Variants in DNAJC10 observed in about 807,000 individuals in gnomAD.
DNAJC10 encodes endoplasmic reticulum disulfide reductase DNAJC10.
Under a neutral mutation model 115.0 loss-of-function variants are expected in DNAJC10, and 101 were observed. That is an observed-to-expected ratio of 0.88 (90% CI 0.75 to 1.04). The LOEUF is 1.04. Ranked by LOEUF, DNAJC10 falls within the 50% of genes least tolerant of loss-of-function variation. The probability of loss-of-function intolerance (pLI) is 0.00; values close to 1 mark genes in which losing one functional copy is unlikely to be tolerated. For synonymous variants in DNAJC10, 307 were observed against 301.5 expected, an observed-to-expected ratio of 1.02 and a Z score of -0.19; for missense variants, 981 against 928.8, an observed-to-expected ratio of 1.06 and a Z score of -0.73.
intron 14 of DNAJC10, among the ~76,000 whole-genome samples, chr2:182,750,347 T>C (rs1335840894): frequency 2.6e-5 from 4 of 151,866 alleles, no homozygotes; most frequent in Admixed American, 1.3e-4. Context: ...GGGTTGGAAA[T>C]GGTAAGAGAT....
At chr2:182,730,115 T>G (rs1025980482) in intron 8 of DNAJC10, among the ~76,000 whole-genome samples, 174 bp downstream of exon 8, 2 of 152,166 alleles carry the variant, frequency 1.3e-5, no homozygotes, top group Admixed American at 1.3e-4. Flanking sequence ...TTTAACAAAC[T>G]AGTTAAATTT....
intron 22 of DNAJC10, among the ~76,000 whole-genome samples, chr2:182,773,649 A>G (rs765333530): frequency 1.3e-5 from 2 of 152,126 alleles, no homozygotes; most frequent in African/African-American, 2.4e-5. Context: ...ATGTGTCACC[A>G]AGTTCTTGTG....
chr2:182,737,319 C>T (rs1302540358), intron 11 of DNAJC10, among the ~76,000 whole-genome samples: 2 of 152,096 alleles, frequency 1.3e-5, no homozygotes, highest in African/African-American at 4.8e-5. Context: ...TTAGTTTTCC[C>T]TCTGTACTTT....
At chr2:182,757,958 G>A in intron 19 of DNAJC10, 133 bp downstream of exon 19, 1 of 556,424 alleles carries the variant, frequency 1.8e-6, no homozygotes. Context: ...AAGATAGTTT[G>A]TTAATGAACA....
intron 2 of DNAJC10, among the ~76,000 whole-genome samples, chr2:182,717,504 C>G (rs1008962238): frequency 6.6e-6 from 1 of 152,164 alleles, no homozygotes; most frequent in Non-Finnish European, 1.5e-5. Flanking sequence ...ATGTTTCCTT[C>G]TAGTCCCTCC....
chr2:182,730,030 G>T, intron 8 of DNAJC10, 89 bp downstream of exon 8: 1 of 815,982 alleles, frequency 1.2e-6, no homozygotes, highest in Non-Finnish European at 2.0e-6. Context: ...TTTTGGTCAT[G>T]GTATTGAAAT....
chr2:182,774,160 C>CTGCAGAACAGCAAATAT (rs774262342), intron 22 of DNAJC10, among the ~76,000 whole-genome samples: 21 of 152,226 alleles, frequency 1.4e-4, no homozygotes, highest in Non-Finnish European at 2.1e-4. Context: ...CCAGCAGAGG[C>CTGCAGAACAGCAAATAT]TGCAGAACAG....
chr2:182,740,095 A>C (rs1693693288), intron 11 of DNAJC10: 2 of 1,072,644 alleles, frequency 1.9e-6, no homozygotes, highest in Admixed American at 1.0e-4. Context: ...ATCACTATTT[A>C]AGAAACAGCT....
chr2:182,774,862 T>C (rs1212919356), intron 22 of DNAJC10, among the ~76,000 whole-genome samples: 3 of 152,350 alleles, frequency 2.0e-5, no homozygotes, highest in East Asian at 3.9e-4. Flanking sequence ...CTCTGTGGGC[T>C]GCACCCACTG....
At chr2:182,758,609 C>T (rs1039247741) in intron 19 of DNAJC10, among the ~76,000 whole-genome samples, 3 of 152,128 alleles carry the variant, frequency 2.0e-5, no homozygotes, top group Non-Finnish European at 2.9e-5. Flanking sequence ...GTCCAGTAGA[C>T]AGCTAGACAT....
intron 3 of DNAJC10, among the ~76,000 whole-genome samples, chr2:182,718,535 A>C (rs1693059210): frequency 6.6e-6 from 1 of 152,234 alleles, no homozygotes; most frequent in Admixed American, 6.5e-5. Context: ...ATTCTATTAA[A>C]GACATTAACC....
chr2:182,765,601 T>C (rs288294), intron 22 of DNAJC10, among the ~76,000 whole-genome samples: 103,556 of 152,074 alleles, frequency 0.68, 35,968 homozygotes, highest in African/African-American at 0.8. Context: ...GCCTGTTGAT[T>C]CAATTTCTTT....
chr2:182,758,837 C>T lies in DNAJC10; in HGVS notation c.1944C>T (p.His648=). The change falls in exon 20 of 24, where the codon CAC becomes CAT. Residue 648 remains histidine (H), a splice_region_variant and synonymous_variant. Coordinates refer to ENST00000264065, the MANE Select transcript of DNAJC10 (RefSeq NM_018981.4). ...PPKSNKAYHY[H]SYNGWNRDAY... ...CAACTAACATTTTTTCTTCTCTCAGCAGTTACAATGGTTGGAATAGGGATG... is the reference window on the plus strand; with the variant it reads ...CAACTAACATTTTTTCTTCTCTCAGTAGTTACAATGGTTGGAATAGGGATG... 6.2e-7 allele frequency: 1 copy of T among 1,604,328 alleles called. No homozygotes were observed. The highest frequency in any genetic ancestry group is 8.5e-7 in the Non-Finnish European group (1 of 1,171,536).
intron 5 of DNAJC10, among the ~76,000 whole-genome samples, chr2:182,727,920 T>C (rs1009972310): frequency 6.6e-6 from 1 of 152,252 alleles, no homozygotes; most frequent in Non-Finnish European, 1.5e-5. Flanking sequence ...ATTGGCTAGA[T>C]ATTATATGTT....
intron 6 of DNAJC10, 70 bp downstream of exon 6, chr2:182,728,728 T>G: frequency 1.3e-6 from 2 of 1,509,232 alleles, no homozygotes; most frequent in Admixed American, 3.9e-5. Context: ...GTTAGAATTT[T>G]TTTTTCTATG....
chr2:182,755,161 G>C, intron 17 of DNAJC10, 57 bp downstream of exon 17: 1 of 1,013,542 alleles, frequency 9.9e-7, no homozygotes, highest in Non-Finnish European at 1.6e-6. Flanking sequence ...TGTAAACCCT[G>C]TATGAATGTT....
intron 14 of DNAJC10, 65 bp from the exon 15 acceptor site, chr2:182,751,593 T>A: frequency 1.9e-6 from 3 of 1,538,866 alleles, no homozygotes; most frequent in South Asian, 2.4e-5. Context: ...ATTAAAACTT[T>A]GAAATGTCTC....
intron 11 of DNAJC10, among the ~76,000 whole-genome samples, chr2:182,738,277 T>G (rs1693636417): frequency 1.3e-5 from 2 of 151,988 alleles, no homozygotes; most frequent in Non-Finnish European, 2.9e-5. Flanking sequence ...TGTGGCCATT[T>G]TAAACTCAAT....
Position 182,777,295 on chromosome 2 carries a change from T to A in DNAJC10, c.*163T>A. On this transcript the variant is annotated 3_prime_UTR_variant, in exon 24 of 24. Transcript: ENST00000264065. Reference sequence around the variant, plus strand: ...ACAGCACTGGTGTAAAAGAAGGGTCTGCAAACTTTTTCTGTAAAGGGCCGG... The same window carrying A: ...ACAGCACTGGTGTAAAAGAAGGGTCAGCAAACTTTTTCTGTAAAGGGCCGG... The A allele has an allele frequency of 2.3e-6, 1 of 426,386 alleles. No homozygotes were observed. Among genetic ancestry groups the A allele is most frequent in the East Asian group, 3.7e-5 (1 of 27,164 alleles). The allele number at this position is 426,386 out of a possible 1,614,324, so 26.4% of individuals were successfully genotyped here.
Sources: gnomAD v4.1 joint callset for allele counts (sites outside exome capture counted in the v4.1 genomes callset) on GRCh38, gnomAD v4.1.1 for gene constraint, MANE v1.5 for transcripts, NCBI Gene and HGNC (gene_info 2026-07-23, HGNC 2026-07-21) for gene names.